Variants in CHD5 observed in about 807,000 individuals in gnomAD.
CHD5 encodes the protein ATP-dependent chromatin remodeler CHD5.
Under a neutral mutation model 230.3 loss-of-function variants are expected in CHD5, and 69 were observed. The ratio of observed to expected loss-of-function variants is 0.30; its 90% CI spans 0.25 to 0.37. The LOEUF is 0.37. Ranked by LOEUF, CHD5 falls within the 10% of genes least tolerant of loss-of-function variation. The pLI is 1.00. For missense variants in CHD5, 1,827 were observed against 2,622.8 expected (o/e 0.70, Z 6.63); for synonymous variants, 1,064 against 1,065.9 (o/e 1.00, Z 0.03).
intron 38 of CHD5, among the ~76,000 whole-genome samples, chr1:6,107,109 G>T (rs1666190375): frequency 6.9e-6 from 1 of 145,798 alleles, no homozygotes; most frequent in Non-Finnish European, 1.5e-5. Context: ...TGGAGGGGTG[G>T]AAGGACGGAG....
chr1:6,124,377 GT>G (rs1666519523), intron 30 of CHD5, 139 bp downstream of exon 30: 1 of 989,890 alleles, frequency 1.0e-6, no homozygotes, highest in African/African-American at 1.6e-5. Context: ...TTCCAGGTCA[GT>G]CCCTCTGGAG....
chr1:6,160,852 G>C (rs1667165586), intron 2 of CHD5, among the ~76,000 whole-genome samples: 1 of 152,232 alleles, frequency 6.6e-6, no homozygotes, highest in Non-Finnish European at 1.5e-5. Flanking sequence ...CACCCCACCA[G>C]AGAGGTGCTG....
rs1290858592 is a variant in CHD5 at position 6,167,424 on chromosome 1, G to A, written c.207+726C>T. Among the ~76,000 whole-genome samples, 2 of 152,198 alleles carry A rather than the reference G, an allele frequency of 1.3e-5. No homozygotes were observed. Among genetic ancestry groups the A allele is most frequent in the Non-Finnish European group, 2.9e-5 (2 of 68,048 alleles). On this transcript the variant is annotated intron_variant, in intron 2 of 41. Transcript: ENST00000262450. The surrounding 1 kb of genome is among the most constrained non-coding windows in gnomAD (Gnocchi z 4.5). The stretch of plus-strand genomic sequence containing the variant: ...GAAGGAAGCAGACAGCATATGGTGA[G>A]GAAATGGCAGACCTCAGTGTCCTAG...
chr1:6,157,982 T>C lies in CHD5; in HGVS notation c.387+1354A>G, dbSNP rs1340156970. On this transcript the variant is annotated intron_variant, in intron 3 of 41. Transcript: ENST00000262450. ...CAACTTCAGTTATTCACATTCATGATTTCTGCCTCACCCAACAGCAACTGT... is the reference window on the plus strand; with the variant it reads ...CAACTTCAGTTATTCACATTCATGACTTCTGCCTCACCCAACAGCAACTGT... 4.6e-5 allele frequency among the ~76,000 whole-genome samples: 7 copies of C among 152,236 alleles called. 1 individual carries two copies. The South Asian group carries it at 1.2e-3, about 27-fold the overall frequency.
At chr1:6,120,864 C>G (rs903060418) in intron 33 of CHD5, among the ~76,000 whole-genome samples, 1 of 151,996 alleles carries the variant, frequency 6.6e-6, no homozygotes, top group African/African-American at 2.4e-5. Context: ...GATGGTACCA[C>G]TGCATTCCAG....
At position 6,146,163 on chromosome 1, in the gene CHD5, C is replaced by G; in HGVS notation, c.1802+49G>C. 1 of 1,582,380 alleles carries G rather than the reference C, an allele frequency of 6.3e-7. No individual in the cohort carries two copies. The highest frequency in any genetic ancestry group is 1.1e-5 in the South Asian group (1 of 89,044). On this transcript the variant is annotated intron_variant, in intron 11 of 41. Transcript: ENST00000262450. The surrounding 1 kb of genome is among the most constrained non-coding windows in gnomAD (Gnocchi z 5.1). The stretch of plus-strand genomic sequence containing the variant: ...CCATTTTACAGGGCAAAGAAGCTGA[C>G]GTGGCCCGGCCCCAGCGATGGGCAG...
chr1:6,127,720 A>C (rs944835215), intron 25 of CHD5, among the ~76,000 whole-genome samples: 7 of 152,206 alleles, frequency 4.6e-5, no homozygotes, highest in African/African-American at 1.7e-4. Context: ...TGATGTGTGC[A>C]AGGGCAGTGG....
In CHD5 at chr1:6,134,080, T is replaced by G. The variant is rs1413963540; in HGVS notation, c.3144+48A>C. On this transcript the variant is annotated intron_variant, in intron 20 of 41. Transcript: ENST00000262450. The surrounding 1 kb of genome is among the most constrained non-coding windows in gnomAD (Gnocchi z 6.3). ...GCCCCCAAGCATCAGGGCAGGATGC[T>G]CTCTGTGGGGTGTGGAGCCGGGGCG... 3.8e-6 allele frequency: 6 copies of G among 1,584,290 alleles called. No individual in the cohort carries two copies. The highest frequency in any genetic ancestry group is 5.1e-6 in the Non-Finnish European group (6 of 1,165,404).
At position 6,126,102 on chromosome 1, in the gene CHD5, C is replaced by T. The variant is rs905807983; in HGVS notation, c.4079-244G>A. Among the ~76,000 whole-genome samples, 3 of 152,188 alleles carry T rather than the reference C, an allele frequency of 2.0e-5. No homozygotes were observed. The highest frequency in any genetic ancestry group is 7.2e-5 in the African/African-American group (3 of 41,432). On this transcript the variant is annotated intron_variant, in intron 26 of 41. Coordinates refer to ENST00000262450, the MANE Select transcript of CHD5 (RefSeq NM_015557.3). This position sits in a 1 kb window ranked among gnomAD's most constrained non-coding sequence, Gnocchi z 5.7. ...TGTGCAAGGGACGTGCCCAAGGCCA[C>T]GTCACGAGCAGTGGTGAAGTCACTG... is the stretch of plus-strand genomic sequence containing the variant.
chr1:6,175,273 T>A (rs1223224544), intron 1 of CHD5, among the ~76,000 whole-genome samples: 1 of 147,916 alleles, frequency 6.8e-6, no homozygotes, highest in Non-Finnish European at 1.5e-5. Flanking sequence ...GATGGATGGA[T>A]GGATGCATGG....
chr1:6,146,767 G>T lies in CHD5; in HGVS notation c.1488C>A (p.Ser496Arg), dbSNP rs367573457. Residue 496 changes from serine to arginine, a missense_variant, in exon 10 of 42, where the codon AGC (serine) becomes AGA (arginine). By Grantham distance (110) the Ser-to-Arg change is moderately radical (BLOSUM62 -1). This residue lies in a region of CHD5 where 657 missense variants were observed against 816.4 expected (regional missense o/e 0.80). Transcript: ENST00000262450. This position sits in a 1 kb window ranked among gnomAD's most constrained non-coding sequence, Gnocchi z 5.1. Reference sequence around the variant, plus strand: ...CCTCCAGGGGCTTAGGTGGAGGGAGGCTGGGCTCCACGTCAGGCCCCGGCA... The same window carrying T: ...CCTCCAGGGGCTTAGGTGGAGGGAGTCTGGGCTCCACGTCAGGCCCCGGCA... The part of the protein sequence containing the change: ...VGLPGPDVEP[S>R]LPPPKPLEGI... 20 of 1,606,190 alleles carry T rather than the reference G, an allele frequency of 1.2e-5. No homozygotes were observed. The highest frequency in any genetic ancestry group is 1.5e-5 in the Non-Finnish European group (18 of 1,175,318).
chr1:6,140,074 A>G (rs1245235435), intron 15 of CHD5, among the ~76,000 whole-genome samples: 1 of 152,202 alleles, frequency 6.6e-6, no homozygotes, highest in Non-Finnish European at 1.5e-5. Flanking sequence ...AATGGCTACA[A>G]GTCCTCATTC....
At chr1:6,160,452 GGCCCCAGCCAGAGAAGGAGA>G (rs1404239828) in intron 2 of CHD5, among the ~76,000 whole-genome samples, 89 of 145,930 alleles carry the variant, frequency 6.1e-4, no homozygotes, top group Admixed American at 1.7e-3. Flanking sequence ...GCCAGGGAAG[GGCCCCAGCCAGAGAAGGAGA>G]GCCCCAGCCA....
chr1:6,126,627 C>T lies in CHD5; in HGVS notation c.4023G>A (p.Lys1341=), dbSNP rs1666562609. 1 of 1,613,982 alleles carries T rather than the reference C, an allele frequency of 6.2e-7. No individual in the cohort carries two copies. The highest frequency in any genetic ancestry group is 8.5e-7 in the Non-Finnish European group (1 of 1,180,038). The part of the protein sequence containing the change: ...QQEDLARNLG[K]GKRIRKQVNY... Reference sequence around the variant, plus strand: ...TGACCTGCTTGCGGATGCGCTTGCCCTTGCCCAGGTTGCGGGCCAGGTCCT... The same window carrying T: ...TGACCTGCTTGCGGATGCGCTTGCCTTTGCCCAGGTTGCGGGCCAGGTCCT... Residue 1341 remains lysine, a synonymous_variant, in exon 26 of 42, where the codon AAG becomes AAA. Transcript: ENST00000262450. This position sits in a 1 kb window ranked among gnomAD's most constrained non-coding sequence, Gnocchi z 5.7.
chr1:6,123,975 G>T lies in CHD5; in HGVS notation c.4672C>A (p.Leu1558Ile), dbSNP rs749653354. 56 of 1,598,030 alleles carry T rather than the reference G, an allele frequency of 3.5e-5. 1 individual carries two copies. In the South Asian group the frequency reaches 6.3e-4, roughly 18 times the overall value. ...GGCAGGCCCAGCGGGGCTGGCAGGAGGTGGGCAGGGCTGGCGGGCACTGGT... is the reference window on the plus strand; with the variant it reads ...GGCAGGCCCAGCGGGGCTGGCAGGATGTGGGCAGGGCTGGCGGGCACTGGT... The part of the protein sequence containing the change: ...NTPVPASPAH[L>I]LPAPLGLPDK... The change falls in exon 31 of 42, where the codon CTC becomes ATC. Residue 1558 changes from leucine to isoleucine, a missense_variant. By Grantham distance (5) the Leu-to-Ile change is conservative. Transcript: ENST00000262450.
chr1:6,152,296 G>A (rs1883605), intron 6 of CHD5, 116 bp downstream of exon 6: 91,434 of 1,212,930 alleles, frequency 0.075, 3,902 homozygotes, highest in South Asian at 0.13. Flanking sequence ...GGAGGGGTGC[G>A]ACCTGCCCCA....
rs763354745 is a variant in CHD5 at position 6,155,899 on chromosome 1, G to A, written c.388-182C>T. On this transcript the variant is annotated intron_variant, in intron 3 of 41. Coordinates refer to ENST00000262450, the MANE Select transcript of CHD5 (RefSeq NM_015557.3). The surrounding 1 kb of genome is among the most constrained non-coding windows in gnomAD (Gnocchi z 4.0). ...TCAAGCCCTGCAGCCCCGCAGCCCC[G>A]CAGCCCCCAATCTGTGCCACGTCTC... Among the ~76,000 whole-genome samples the A allele has an allele frequency of 1.3e-4, 20 of 152,280 alleles. No homozygotes were observed. The highest frequency in any genetic ancestry group is 3.4e-3 in the Middle Eastern group (1 of 292).
At chr1:6,150,097 T>C (rs372687492) in intron 7 of CHD5, among the ~76,000 whole-genome samples, 17 of 147,286 alleles carry the variant, frequency 1.2e-4, no homozygotes, top group South Asian at 8.7e-4. Flanking sequence ...AATGGATGGA[T>C]AGATGGACAA....
In CHD5 at chr1:6,155,036, C is replaced by T. The variant is rs996670653; in HGVS notation, c.507-138G>A. On this transcript the variant is annotated intron_variant, in intron 4 of 41. Coordinates refer to ENST00000262450, the MANE Select transcript of CHD5 (RefSeq NM_015557.3). The surrounding 1 kb of genome is among the most constrained non-coding windows in gnomAD (Gnocchi z 4.0). ...CAGGTTCCTGATTAGAGAGATTAGG[C>T]GGGAAACCCACTGACCACAGCCCAC... 8.6e-6 allele frequency: 7 copies of T among 814,838 alleles called. No homozygotes were observed. The highest frequency in any genetic ancestry group is 2.8e-5 in the Admixed American group (1 of 35,344). 50.5% of individuals were successfully genotyped at this position (814,838 alleles called of 1,614,324 possible).
Sources: gnomAD v4.1 joint callset for allele counts (sites outside exome capture counted in the v4.1 genomes callset) on GRCh38, gnomAD v4.1.1 for gene constraint, gnomAD v4.1.1 regional missense constraint, Gnocchi (gnomAD v3.1) non-coding constraint, MANE v1.5 for transcripts, NCBI Gene and HGNC (gene_info 2026-07-23, HGNC 2026-07-21) for gene names.